The following IVD variants were observed in gnomAD, a reference collection of about 807,000 sequenced individuals.
IVD encodes isovaleryl-CoA dehydrogenase.
In IVD, 31 loss-of-function variants were observed where a neutral mutation model predicts 51.3. That is an observed-to-expected ratio of 0.60 (90% CI 0.45 to 0.81). The LOEUF is 0.81. Ranked by LOEUF, IVD falls within the 40% of genes least tolerant of loss-of-function variation. The probability of loss-of-function intolerance (pLI) is 0.00; values close to 1 mark genes in which losing one functional copy is unlikely to be tolerated. For missense variants in IVD, 475 were observed against 552.0 expected (o/e 0.86, Z 1.40); for synonymous variants, 205 against 219.4 (o/e 0.93, Z 0.58).
intron 7 of IVD, among the ~76,000 whole-genome samples, chr15:40,433,175 T>C (rs79388520): frequency 2.6e-3 from 394 of 152,290 alleles, no homozygotes; most frequent in African/African-American, 9.2e-3. Flanking sequence ...CTCTATTTTA[T>C]ATGTTAAATG....
Position 40,407,881 on chromosome 15 carries a change from A to G in IVD, c.235-58A>G, listed in dbSNP as rs575297305. The G allele has an allele frequency of 1.2e-5, 19 of 1,575,218 alleles. No individual in the cohort carries two copies. The South Asian group carries it at 2.0e-4, about 17-fold the overall frequency. On this transcript the variant is annotated intron_variant, in intron 2 of 11. Transcript: ENST00000487418. The stretch of plus-strand genomic sequence containing the variant: ...GTTTGGGTCTCATTGTTCCAGCCAC[A>G]TGTGACTGGCTGCCTTCCCCTCAAC...
downstream of IVD, among the ~76,000 whole-genome samples, chr15:40,429,330 C>T (rs547605324): frequency 2.0e-5 from 3 of 152,318 alleles, no homozygotes; most frequent in Admixed American, 6.5e-5. Flanking sequence ...CTGGCATTTG[C>T]TGAGGGACTG....
rs147766853 is a variant in IVD at position 40,415,244 on chromosome 15, C to T, written c.879-157C>T. On this transcript the variant is annotated intron_variant, in intron 8 of 11. Coordinates refer to ENST00000487418, the MANE Select transcript of IVD (RefSeq NM_002225.5). Reference sequence around the variant, plus strand: ...GAAACGACACCTGGGCTGTCACGCCCCTGCACCTCTGGCCAGTCAGTGCCG... The same window carrying T: ...GAAACGACACCTGGGCTGTCACGCCTCTGCACCTCTGGCCAGTCAGTGCCG... 1.1e-4 allele frequency: 88 copies of T among 777,476 alleles called. No individual in the cohort carries two copies. The African/African-American group carries it at 1.3e-3, about 11-fold the overall frequency. The allele number at this position is 777,476 out of a possible 1,614,324, so 48.2% of individuals were successfully genotyped here.
intron 9 of IVD, 98 bp downstream of exon 9, chr15:40,415,580 C>A (rs1476259958): frequency 8.9e-6 from 9 of 1,007,584 alleles, no homozygotes; most frequent in Non-Finnish European, 1.4e-5. Flanking sequence ...TGGTTACTGT[C>A]TCCTCTAGCA....
At chr15:40,407,857 T>C in intron 2 of IVD, 82 bp from the exon 3 acceptor site, 3 of 1,493,752 alleles carry the variant, frequency 2.0e-6, no homozygotes, top group Non-Finnish European at 2.8e-6. Context: ...CTCTGAAGTG[T>C]TTGGGTCTCA....
chr15:40,408,313 G>A (rs779930123), intron 3 of IVD, among the ~76,000 whole-genome samples: 1 of 152,200 alleles, frequency 6.6e-6, no homozygotes, highest in Non-Finnish European at 1.5e-5. Context: ...TGGATCAAGT[G>A]GTTGTCTTCA....
At chr15:40,408,012 A>G (rs1188975284) in intron 3 of IVD, 22 bp downstream of exon 3, 1 of 1,610,730 alleles carries the variant, frequency 6.2e-7, no homozygotes, top group East Asian at 2.2e-5. Context: ...GTCTTTCCCT[A>G]AAAAGAACTT....
chr15:40,421,674 A>G (rs1213293167), downstream of IVD, among the ~76,000 whole-genome samples: 1 of 152,230 alleles, frequency 6.6e-6, no homozygotes, highest in Non-Finnish European at 1.5e-5. Context: ...TACAACCACC[A>G]TCTGAGTCCT....
Position 40,418,107 on chromosome 15 carries a change from C to T in IVD, c.1139-23C>T, listed in dbSNP as rs145037697. 386 of 1,613,814 alleles carry T rather than the reference C, an allele frequency of 2.4e-4. No individual in the cohort carries two copies. In the African/African-American group the frequency reaches 4.3e-3, roughly 18 times the overall value. On this transcript the variant is annotated intron_variant, in intron 11 of 11. Transcript: ENST00000487418. The stretch of plus-strand genomic sequence containing the variant: ...TGTTTTGTCAATCACTTCCTTTCTT[C>T]TCTGCCCAAACCCTGGTTGCAGGTG...
chr15:40,416,334 G>T lies in IVD; in HGVS notation c.1110G>T (p.Gln370His). The T allele has an allele frequency of 6.2e-7, 1 of 1,614,208 alleles. No homozygotes were observed. Among genetic ancestry groups the T allele is most frequent in the Non-Finnish European group, 8.5e-7 (1 of 1,180,044 alleles). Residue 370 changes from glutamine (Q) to histidine (H), a missense_variant, in exon 11 of 12, where the codon CAG becomes CAT. Gln to His is a conservative substitution (Grantham distance 24). Transcript: ENST00000487418. Reference sequence around the variant, plus strand: ...TTTACTCAGCTGAGTGTGCCACACAGGTAGCCCTGGACGGCATTCAGTGTT... The same window carrying T: ...TTTACTCAGCTGAGTGTGCCACACATGTAGCCCTGGACGGCATTCAGTGTT... ...VILYSAECAT[Q>H]VALDGIQCFG...
chr15:40,420,643 G>A lies in IVD; in HGVS notation c.*2380G>A. 1.0e-6 allele frequency: 1 copy of A among 987,548 alleles called. No individual in the cohort carries two copies. Among genetic ancestry groups the A allele is most frequent in the Non-Finnish European group, 1.2e-6 (1 of 830,108 alleles). 61.2% of individuals were successfully genotyped at this position (987,548 alleles called of 1,614,324 possible). A position where few individuals can be genotyped will look rare whatever the true frequency, so the allele number is the denominator to read the frequency against. On this transcript the variant is annotated 3_prime_UTR_variant, in exon 12 of 12. Transcript: ENST00000487418. ...GATCTCCCAGTGAGTTTTAAAGGAA[G>A]CAGGGAGCCCAGAGTGCTAAGTTCT...
At chr15:40,435,426 T>C in exon 9 of IVD, 1 of 1,208,334 alleles carries the variant, frequency 8.3e-7, no homozygotes, top group Non-Finnish European at 1.1e-6. Flanking sequence ...GGGCAGACCT[T>C]TTCCGCCCAA....
At chr15:40,407,748 T>C in intron 2 of IVD, 23 bp downstream of exon 2, 2 of 1,602,524 alleles carry the variant, frequency 1.2e-6, no homozygotes, top group Non-Finnish European at 1.7e-6. Context: ...GTCCGGGCAG[T>C]CGGGGGCAGT....
intron 3 of IVD, among the ~76,000 whole-genome samples, chr15:40,409,624 T>G (rs1367127376): frequency 6.6e-6 from 1 of 152,082 alleles, no homozygotes. Context: ...TATAGGACCT[T>G]GCTAGGCTTG....
intron 6 of IVD, among the ~76,000 whole-genome samples, chr15:40,412,322 C>T (rs1430147316): frequency 1.3e-5 from 2 of 152,160 alleles, no homozygotes; most frequent in Admixed American, 6.5e-5. Context: ...AGGAGGAAGC[C>T]AGGGGCCCTG....
chr15:40,421,280 A>C lies in IVD; in HGVS notation c.*3017A>C. On this transcript the variant is annotated 3_prime_UTR_variant, in exon 12 of 12. Transcript: ENST00000487418. ...ATATGTGAAGCAAAATAAATGTTTT[A>C]AAATTAAAAGCAAAAAAAACAAAAT... 3.1e-6 allele frequency: 3 copies of C among 957,282 alleles called. No homozygotes were observed. The highest frequency in any genetic ancestry group is 3.7e-6 in the Non-Finnish European group (3 of 816,650). 59.3% of individuals were successfully genotyped at this position (957,282 alleles called of 1,614,324 possible).
intron 8 of IVD, among the ~76,000 whole-genome samples, chr15:40,434,120 A>G (rs1893137056): frequency 6.6e-6 from 1 of 152,226 alleles, no homozygotes; most frequent in Admixed American, 6.5e-5. Context: ...AAACTGGAGC[A>G]TGCCTACCCC....
At chr15:40,407,577 T>C (rs1328088746) in intron 1 of IVD, 59 bp from the exon 2 acceptor site, 3 of 1,253,784 alleles carry the variant, frequency 2.4e-6, no homozygotes, top group Non-Finnish European at 3.5e-6. Context: ...TTCTCTTGAA[T>C]GTGTCTGGGT....
chr15:40,410,545 G>A (rs2141322278), intron 3 of IVD, 83 bp from the exon 4 acceptor site: 1 of 1,515,128 alleles, frequency 6.6e-7, no homozygotes, highest in South Asian at 1.1e-5. Context: ...CTTCCCTTCT[G>A]CCGTCAAATG....
Sources: allele counts gnomAD v4.1 joint callset (sites outside exome capture counted in the v4.1 genomes callset), GRCh38; gene constraint gnomAD v4.1.1; transcripts MANE v1.5; gene names NCBI Gene and HGNC (gene_info 2026-07-23, HGNC 2026-07-21).